The following SMCHD1 variants were observed in gnomAD, a reference collection of about 807,000 sequenced individuals.
SMCHD1 encodes the protein structural maintenance of chromosomes flexible hinge domain containing 1.
A neutral mutation model predicts 254.7 loss-of-function variants in SMCHD1; 78 were observed. The ratio of observed to expected loss-of-function variants is 0.31; its 90% CI spans 0.26 to 0.37. The LOEUF is 0.37. Among genes scored for constraint, SMCHD1 ranks in the 10% least tolerant of loss-of-function variants. The probability of loss-of-function intolerance (pLI) is 1.00; values close to 1 mark genes in which losing one functional copy is unlikely to be tolerated. For synonymous variants in SMCHD1, 766 were observed against 794.9 expected (o/e 0.96, Z 0.61); for missense variants, 1,840 against 2,408.1 (o/e 0.76, Z 4.94).
rs766215796 is a variant in SMCHD1 at position 2,656,217 on chromosome 18, G to T, written c.142G>T (p.Gly48Trp). The T allele has an allele frequency of 2.0e-6, 3 of 1,505,672 alleles. No homozygotes were observed. Among genetic ancestry groups the T allele is most frequent in the Admixed American group, 2.7e-5 (1 of 37,136 alleles). The allele number at this position is 1,505,672 out of a possible 1,614,324, so 93.3% of individuals were successfully genotyped here. ...GCTCGGGGACCGGCCTCTGCAGGTC[G>T]GGGAGCGCTCGGACTACGCGGGATT... ...SELGDRPLQV[G>W]ERSDYAGFRA... The change falls in exon 1 of 48, where the codon GGG (glycine) becomes TGG (tryptophan). Residue 48 changes from glycine (G) to tryptophan (W), a missense_variant. Physicochemically the swap from Gly to Trp is radical, Grantham distance 184. Transcript: ENST00000320876.
Position 2,718,530 on chromosome 18 carries a change from A to C in SMCHD1, c.2458+96A>C. ...TAAGCCATTAAAAGATGTTTGAACAATTGGGTAACCATCTCGATTTTATTT... is the reference window on the plus strand; with the variant it reads ...TAAGCCATTAAAAGATGTTTGAACACTTGGGTAACCATCTCGATTTTATTT... On this transcript the variant is annotated intron_variant, in intron 19 of 47. Transcript: ENST00000320876. This position sits in a 1 kb window ranked among gnomAD's most constrained non-coding sequence, Gnocchi z 4.6. 1 of 1,057,552 alleles carries C rather than the reference A, an allele frequency of 9.5e-7. No homozygotes were observed. The highest frequency in any genetic ancestry group is 1.3e-6 in the Non-Finnish European group (1 of 749,460). The allele number at this position is 1,057,552 out of a possible 1,614,324, so 65.5% of individuals were successfully genotyped here. A position where few individuals can be genotyped will look rare whatever the true frequency, so the allele number is the denominator to read the frequency against.
At chr18:2,703,553 C>G in intron 12 of SMCHD1, 139 bp from the exon 13 acceptor site, 1 of 650,636 alleles carries the variant, frequency 1.5e-6, no homozygotes, top group East Asian at 2.9e-5. Flanking sequence ...GAGGAAGGAT[C>G]CAGCAGAATA....
At chr18:2,680,961 C>G (rs1002439274) in intron 5 of SMCHD1, among the ~76,000 whole-genome samples, 3 of 152,036 alleles carry the variant, frequency 2.0e-5, no homozygotes, top group Non-Finnish European at 4.4e-5. Flanking sequence ...TATCTCAAAC[C>G]CTTGTTAAGA....
chr18:2,707,642 A>G lies in SMCHD1; in HGVS notation c.2143A>G (p.Ile715Val), dbSNP rs926163180. ...PNEVRPAGTPIGALRIEILNK... is the reference protein window; with the variant it reads ...PNEVRPAGTPVGALRIEILNK... ...TGAGGTTAGGCCTGCTGGAACCCCT[A>G]TTGGTATGTTTGTTTATTTTTCTAA... is the stretch of plus-strand genomic sequence containing the variant. Residue 715 changes from isoleucine (I) to valine (V), a missense_variant, in exon 16 of 48, where the codon ATT becomes GTT. Physicochemically the swap from Ile to Val is conservative, Grantham distance 29. This residue lies in a region of SMCHD1 where 498 missense variants were observed against 743.5 expected (regional missense o/e 0.67). Coordinates refer to ENST00000320876, the MANE Select transcript of SMCHD1 (RefSeq NM_015295.3). 3.1e-6 allele frequency: 5 copies of G among 1,591,930 alleles called. No homozygotes were observed. The highest frequency in any genetic ancestry group is 2.7e-5 in the African/African-American group (2 of 73,984).
intron 45 of SMCHD1, among the ~76,000 whole-genome samples, chr18:2,794,695 AAC>A (rs2076227165): frequency 6.6e-6 from 1 of 152,198 alleles, no homozygotes; most frequent in African/African-American, 2.4e-5. Context: ...TGGCAAGAAG[AAC>A]ACTTGATCAT....
At chr18:2,761,957 T>C (rs2075793399) in intron 35 of SMCHD1, 148 bp from the exon 36 acceptor site, 1 of 647,900 alleles carries the variant, frequency 1.5e-6, no homozygotes. Context: ...TAAAAGCAAA[T>C]TGATTACTTT....
chr18:2,656,344 C>A, intron 1 of SMCHD1, 83 bp downstream of exon 1: 2 of 1,237,666 alleles, frequency 1.6e-6, no homozygotes, highest in South Asian at 2.1e-5. Flanking sequence ...TCACTGAGGG[C>A]AATAAACCTG....
intron 39 of SMCHD1, among the ~76,000 whole-genome samples, chr18:2,770,681 G>GCA (rs1165242732): frequency 1.3e-5 from 2 of 152,038 alleles, no homozygotes; most frequent in Non-Finnish European, 1.5e-5. Flanking sequence ...GAGTGCAGTG[G>GCA]CACGATCTCA....
At chr18:2,739,734 C>CA (rs2075313237) in intron 27 of SMCHD1, among the ~76,000 whole-genome samples, 1 of 151,452 alleles carries the variant, frequency 6.6e-6, no homozygotes, top group African/African-American at 2.4e-5. Flanking sequence ...CACATTTTGT[C>CA]GAAAAAAAAT....
At position 2,804,062 on chromosome 18, in the gene SMCHD1, T is replaced by G. The variant is rs1446478143; in HGVS notation, c.*1510T>G. 2 of 152,202 alleles carry G rather than the reference T, an allele frequency of 1.3e-5. No individual in the cohort carries two copies. 9.4% of individuals were successfully genotyped at this position (152,202 alleles called of 1,614,324 possible). A position where few individuals can be genotyped will look rare whatever the true frequency, so the allele number is the denominator to read the frequency against. On this transcript the variant is annotated 3_prime_UTR_variant, in exon 48 of 48. Transcript: ENST00000320876. ...TAGGGATACTCACCCCGTACCAATA[T>G]TTGGAGTCCTTAGACATTAGATTAT...
intron 44 of SMCHD1, among the ~76,000 whole-genome samples, chr18:2,783,059 T>C (rs1053906344): frequency 3.3e-5 from 5 of 152,196 alleles, no homozygotes; most frequent in Admixed American, 3.3e-4. Context: ...GCCCCAATAT[T>C]AGGTTGGACT....
rs1486922836 is a variant in SMCHD1, at chr18:2,697,047, C to G, written c.1056C>G (p.Tyr352Ter). ...WTRQLAHIYH[Y>*]YIHGPKGNEI... Reference sequence around the variant, plus strand: ...TCTATTTTAGGCATATTTATCACTACTATATTCATGGCCCAAAAGGAAATG... The same window carrying G: ...TCTATTTTAGGCATATTTATCACTAGTATATTCATGGCCCAAAAGGAAATG... Residue 352 changes from tyrosine to a stop codon, truncating the protein, a stop_gained, in exon 9 of 48, where the codon TAC becomes TAG. Transcript: ENST00000320876. LOFTEE classifies it high-confidence loss of function. 6.8e-7 allele frequency: 1 copy of G among 1,464,998 alleles called. No homozygotes were observed. Among genetic ancestry groups the G allele is most frequent in the East Asian group, 2.5e-5 (1 of 39,956 alleles). 90.7% of individuals were successfully genotyped at this position (1,464,998 alleles called of 1,614,324 possible).
At chr18:2,728,020 A>G (rs1479278813) in intron 22 of SMCHD1, among the ~76,000 whole-genome samples, 1 of 152,066 alleles carries the variant, frequency 6.6e-6, no homozygotes, top group African/African-American at 2.4e-5. Context: ...CTAACAAGTA[A>G]ATGACCTGAT....
intron 7 of SMCHD1, 136 bp downstream of exon 7, chr18:2,688,883 C>T (rs2074110618): frequency 2.0e-6 from 1 of 489,166 alleles, no homozygotes; most frequent in African/African-American, 1.9e-5. Context: ...TGGGCTTTCT[C>T]AAGCCAAAAA....
At chr18:2,719,677 A>T (rs1464868248) in intron 19 of SMCHD1, among the ~76,000 whole-genome samples, 4 of 144,802 alleles carry the variant, frequency 2.8e-5, no homozygotes, top group Non-Finnish European at 6.0e-5. Flanking sequence ...ACTGCACCTA[A>T]TTTTTTTTTT....
chr18:2,720,948 C>T (rs1157661258), intron 19 of SMCHD1, among the ~76,000 whole-genome samples: 1 of 152,122 alleles, frequency 6.6e-6, no homozygotes, highest in Non-Finnish European at 1.5e-5. Flanking sequence ...GTGTCTCTCA[C>T]TTCTAGACCT....
At chr18:2,703,523 A>G (rs2074449599) in intron 12 of SMCHD1, among the ~76,000 whole-genome samples, 169 bp from the exon 13 acceptor site, 1 of 152,190 alleles carries the variant, frequency 6.6e-6, no homozygotes, top group African/African-American at 2.4e-5. Flanking sequence ...CATTTGTTTG[A>G]AATATCCTAA....
rs191596899 is a variant in SMCHD1, at chr18:2,688,296, C to T, written c.639-98C>T. 6.4e-4 allele frequency: 513 copies of T among 800,684 alleles called. 2 individuals carry two copies. Among genetic ancestry groups the T allele is most frequent in the Non-Finnish European group, 9.6e-4 (456 of 474,334 alleles). 49.6% of individuals were successfully genotyped at this position (800,684 alleles called of 1,614,324 possible). On this transcript the variant is annotated intron_variant, in intron 5 of 47. Transcript: ENST00000320876. ...CCTTTCAGTTAGGGGTGTTTGCAGG[C>T]GTGATCATTTTATTAACACTGAATA...
At chr18:2,740,154 A>G (rs184158826) in intron 27 of SMCHD1, among the ~76,000 whole-genome samples, 14 of 151,590 alleles carry the variant, frequency 9.2e-5, no homozygotes, top group Non-Finnish European at 1.8e-4. Context: ...TCATTGTTCA[A>G]CTCGCACTTA....
Sources: allele counts gnomAD v4.1 joint callset (sites outside exome capture counted in the v4.1 genomes callset), GRCh38; gene constraint gnomAD v4.1.1; regional missense constraint gnomAD v4.1.1; non-coding constraint Gnocchi (gnomAD v3.1); transcripts MANE v1.5; gene names NCBI Gene and HGNC (gene_info 2026-07-23, HGNC 2026-07-21).